Variants in POLR3H observed in about 807,000 individuals in gnomAD.
POLR3H encodes RNA polymerase III subunit H.
In POLR3H, 17 loss-of-function variants were observed where a neutral mutation model predicts 25.5. The ratio of observed to expected loss-of-function variants is 0.67; its 90% CI spans 0.46 to 1.00. The LOEUF (loss-of-function observed/expected upper bound fraction) is 1.00, where lower values mean the gene tolerates loss of function less well. Ranked by LOEUF, POLR3H falls within the 50% of genes least tolerant of loss-of-function variation. The pLI, the probability that POLR3H is intolerant of heterozygous loss-of-function variation, is 0.00. For synonymous variants in POLR3H, 129 were observed against 103.0 expected (o/e 1.25, Z -1.53); for missense variants, 274 against 265.0 (o/e 1.03, Z -0.24).
rs928353089 is a variant in POLR3H, at chr22:41,544,357, GCCACGCCACTCCACGCCACGCCACT to G, written c.-281_-257del. ...CGCCCGCGCCGCGAGACCCCGCCAC[GCCACGCCACTCCACGCCACGCCACT>G]CCACGCCCCGCACCCGCGCCACGTG... On this transcript the variant is annotated 5_prime_UTR_variant, in exon 1 of 6. Transcript: ENST00000355209. 24 of 362,544 alleles carry G rather than the reference GCCACGCCACTCCACGCCACGCCACT, an allele frequency of 6.6e-5. No individual in the cohort carries two copies. Among genetic ancestry groups the G allele is most frequent in the Admixed American group, 6.3e-4 (12 of 19,116 alleles). 22.5% of individuals were successfully genotyped at this position (362,544 alleles called of 1,614,324 possible). A position where few individuals can be genotyped will look rare whatever the true frequency, so the allele number is the denominator to read the frequency against.
chr22:41,532,031 G>T, intron 4 of POLR3H, 63 bp downstream of exon 4: 3 of 1,466,888 alleles, frequency 2.0e-6, no homozygotes, highest in Non-Finnish European at 2.9e-6. Flanking sequence ...CTAAGGAGTG[G>T]GGACCTTCCT....
rs1413610742 is a variant in POLR3H, at chr22:41,544,188, C to G, written c.-87G>C. ...GGGAGAATCCCCGAGCCCCTTGGTCCCGTCCCAGTCGCTGAGGCCCCCAGG... is the reference window on the plus strand; with the variant it reads ...GGGAGAATCCCCGAGCCCCTTGGTCGCGTCCCAGTCGCTGAGGCCCCCAGG... On this transcript the variant is annotated 5_prime_UTR_variant, in exon 1 of 6. Transcript: ENST00000355209. The G allele has an allele frequency of 3.8e-6, 3 of 795,732 alleles. No individual in the cohort carries two copies. The highest frequency in any genetic ancestry group is 2.7e-5 in the East Asian group (1 of 37,406). 49.3% of individuals were successfully genotyped at this position (795,732 alleles called of 1,614,324 possible). A position where few individuals can be genotyped will look rare whatever the true frequency, so the allele number is the denominator to read the frequency against.
chr22:41,543,185 T>G (rs970834218), intron 1 of POLR3H, among the ~76,000 whole-genome samples: 6 of 152,016 alleles, frequency 3.9e-5, no homozygotes, highest in African/African-American at 1.4e-4. Context: ...GGGAGGACTG[T>G]CAAAGAAACG....
chr22:41,528,480 C>T lies in POLR3H; in HGVS notation c.*803G>A, dbSNP rs1601940049. Reference sequence around the variant, plus strand: ...CCCACACCCACCTTCTCCTTGCAGCCCCTGAAGTGCATCATCAAGCACCCC... The same window carrying T: ...CCCACACCCACCTTCTCCTTGCAGCTCCTGAAGTGCATCATCAAGCACCCC... On this transcript the variant is annotated 3_prime_UTR_variant, in exon 6 of 6. Transcript: ENST00000355209. 6.2e-7 allele frequency: 1 copy of T among 1,612,116 alleles called. No homozygotes were observed. Among genetic ancestry groups the T allele is most frequent in the Non-Finnish European group, 8.5e-7 (1 of 1,179,938 alleles).
Position 41,532,687 on chromosome 22 carries a change from G to T in POLR3H, c.267C>A (p.Ile89=), listed in dbSNP as rs752439104. 1 of 1,614,068 alleles carries T rather than the reference G, an allele frequency of 6.2e-7. No homozygotes were observed. The part of the protein sequence containing the change: ...PFLDEILIGK[I]KGCSPEGVHV... ...GCACTCCTTCTGGGCTGCAGCCTTT[G>T]ATCTTCCCAATGAGAATCTCATCTA... Residue 89 remains isoleucine, a synonymous_variant, in exon 3 of 6, where the codon ATC becomes ATA. Transcript: ENST00000355209.
chr22:41,532,562 C>T lies in POLR3H; in HGVS notation c.295+97G>A, dbSNP rs757587976. 91 of 1,596,908 alleles carry T rather than the reference C, an allele frequency of 5.7e-5. No individual in the cohort carries two copies. The East Asian group carries it at 7.2e-4, about 13-fold the overall frequency. ...TGACACCACGGGGAAGGTTCGGCCT[C>T]GACACCTGAGCCCTCCCCTGACCAT... is the stretch of plus-strand genomic sequence containing the variant. On this transcript the variant is annotated intron_variant, in intron 3 of 5. Coordinates refer to ENST00000355209, the MANE Select transcript of POLR3H (RefSeq NM_001018050.4).
chr22:41,535,485 G>T (rs1387305869), intron 2 of POLR3H, among the ~76,000 whole-genome samples: 1 of 152,258 alleles, frequency 6.6e-6, no homozygotes, highest in Non-Finnish European at 1.5e-5. Context: ...GTAGCCTGCA[G>T]AGGGGATGCC....
rs372220931 is a variant in POLR3H, at chr22:41,544,372, GCCACGCCACT to G, written c.-281_-272del. The G allele has an allele frequency of 7.6e-5, 26 of 342,184 alleles. No individual in the cohort carries two copies. The highest frequency in any genetic ancestry group is 1.1e-4 in the East Asian group (2 of 17,920). 21.2% of individuals were successfully genotyped at this position (342,184 alleles called of 1,614,324 possible). On this transcript the variant is annotated 5_prime_UTR_variant, in exon 1 of 6. Transcript: ENST00000355209. ...ACCCCGCCACGCCACGCCACTCCAC[GCCACGCCACT>G]CCACGCCCCGCACCCGCGCCACGTG...
chr22:41,528,794 T>C lies in POLR3H; in HGVS notation c.*489A>G. On this transcript the variant is annotated 3_prime_UTR_variant, in exon 6 of 6. Transcript: ENST00000355209. ...GGTGGGGGGGTTCTTAAAATAACTT[T>C]TTAGCCCCCGTCTTCCTATTTTGAG... 1 of 811,938 alleles carries C rather than the reference T, an allele frequency of 1.2e-6. No individual in the cohort carries two copies. Among genetic ancestry groups the C allele is most frequent in the Non-Finnish European group, 1.9e-6 (1 of 539,140 alleles). The allele number at this position is 811,938 out of a possible 1,614,324, so 50.3% of individuals were successfully genotyped here.
Position 41,531,972 on chromosome 22 carries a change from G to A in POLR3H, c.359+122C>T, listed in dbSNP as rs542482160. On this transcript the variant is annotated intron_variant, in intron 4 of 5. Transcript: ENST00000355209. ...CTCTGGAGCAAAAGCACAGGCGAGGGGCAGGCACAGAGGCCAGTGACATCA... is the reference window on the plus strand; with the variant it reads ...CTCTGGAGCAAAAGCACAGGCGAGGAGCAGGCACAGAGGCCAGTGACATCA... The A allele has an allele frequency of 4.2e-4, 345 of 815,452 alleles. 1 individual carries two copies. In the Middle Eastern group the frequency reaches 4.6e-3, roughly 11 times the overall value. The allele number at this position is 815,452 out of a possible 1,614,324, so 50.5% of individuals were successfully genotyped here. A position where few individuals can be genotyped will look rare whatever the true frequency, so the allele number is the denominator to read the frequency against.
rs1223673171 is a variant in POLR3H, at chr22:41,528,414, C to T, written c.*869G>A. On this transcript the variant is annotated 3_prime_UTR_variant, in exon 6 of 6. Transcript: ENST00000355209. Reference sequence around the variant, plus strand: ...CCAGGCAGTGCCCTGTCTCCCTGACCCCCCTGCGGGGCCAAGGGCACACAG... The same window carrying T: ...CCAGGCAGTGCCCTGTCTCCCTGACTCCCCTGCGGGGCCAAGGGCACACAG... 4 of 1,580,250 alleles carry T rather than the reference C, an allele frequency of 2.5e-6. No individual in the cohort carries two copies. The highest frequency in any genetic ancestry group is 3.4e-6 in the Non-Finnish European group (4 of 1,164,638).
chr22:41,544,211 A>AGGCTGGCGGT lies in POLR3H; in HGVS notation c.-120_-111dup. On this transcript the variant is annotated 5_prime_UTR_variant, in exon 1 of 6. An upstream open reading frame in the 5' UTR loses its in-frame stop. Transcript: ENST00000355209. ...TCCCGTCCCAGTCGCTGAGGCCCCC[A>AGGCTGGCGGT]GGCTGGCGGTGAGGTTGCACGGGGC... The AGGCTGGCGGT allele has an allele frequency of 1.5e-6, 1 of 654,070 alleles. No homozygotes were observed. Among genetic ancestry groups the AGGCTGGCGGT allele is most frequent in the Non-Finnish European group, 2.7e-6 (1 of 375,478 alleles). The allele number at this position is 654,070 out of a possible 1,614,324, so 40.5% of individuals were successfully genotyped here. A position where few individuals can be genotyped will look rare whatever the true frequency, so the allele number is the denominator to read the frequency against.
Position 41,525,866 on chromosome 22 carries a change from C to G in POLR3H, c.*3417G>C, listed in dbSNP as rs1320624173. ...ATTTATGCTGCTTATTAAGGGGTCT[C>G]CAGGCACCCCTGTGACAGAAGAGAC... On this transcript the variant is annotated 3_prime_UTR_variant, in exon 6 of 6. Transcript: ENST00000355209. 3 of 204,514 alleles carry G rather than the reference C, an allele frequency of 1.5e-5. No homozygotes were observed. Among genetic ancestry groups the G allele is most frequent in the Admixed American group, 5.4e-5 (1 of 18,648 alleles). 12.7% of individuals were successfully genotyped at this position (204,514 alleles called of 1,614,324 possible).
intron 5 of POLR3H, among the ~76,000 whole-genome samples, chr22:41,530,345 C>A (rs1004402903): frequency 4.0e-5 from 6 of 150,984 alleles, no homozygotes; most frequent in African/African-American, 1.5e-4. Context: ...TGGCCTCACA[C>A]GATCCTCCCA....
chr22:41,542,964 T>C (rs1347233901), intron 1 of POLR3H, among the ~76,000 whole-genome samples: 1 of 151,738 alleles, frequency 6.6e-6, no homozygotes, highest in Non-Finnish European at 1.5e-5. Context: ...GATCGCTTCA[T>C]TGCACCCCAG....
At position 41,544,063 on chromosome 22, in the gene POLR3H, GA is replaced by G; in HGVS notation, c.38del (p.Ile13ThrfsTer18). 1 of 1,613,784 alleles carries G rather than the reference GA, an allele frequency of 6.2e-7. No homozygotes were observed. Among genetic ancestry groups the G allele is most frequent in the Non-Finnish European group, 8.5e-7 (1 of 1,179,696 alleles). ...GCTTCCTCTCAAACTGCCAAGGGGG[GA>G]TCCGGACGGTGTCCACCATTTCCAC... is the stretch of plus-strand genomic sequence containing the variant. ...VLVEMVDTVR[I>X]PPWQFERKLN... On this transcript the variant is annotated frameshift_variant, in exon 1 of 6. Transcript: ENST00000355209. LOFTEE classifies it high-confidence loss of function.
chr22:41,528,161 CAG>C lies in POLR3H; in HGVS notation c.*1120_*1121del. 2 of 1,344,780 alleles carry C rather than the reference CAG, an allele frequency of 1.5e-6. No individual in the cohort carries two copies. Among genetic ancestry groups the C allele is most frequent in the Non-Finnish European group, 2.0e-6 (2 of 987,598 alleles). The allele number at this position is 1,344,780 out of a possible 1,614,324, so 83.3% of individuals were successfully genotyped here. A position where few individuals can be genotyped will look rare whatever the true frequency, so the allele number is the denominator to read the frequency against. On this transcript the variant is annotated 3_prime_UTR_variant, in exon 6 of 6. Coordinates refer to ENST00000355209, the MANE Select transcript of POLR3H (RefSeq NM_001018050.4). ...GCCCCCAGTTCTCCAGGTGGCCCCA[CAG>C]AGAAAGCAAAGTGGCTTCTCAGAGT... is the stretch of plus-strand genomic sequence containing the variant.
chr22:41,541,163 G>GAA, intron 1 of POLR3H, among the ~76,000 whole-genome samples: 1 of 152,178 alleles, frequency 6.6e-6, no homozygotes. Flanking sequence ...CCCTAGCCTT[G>GAA]TACCTGGCTC....
chr22:41,540,280 G>C (rs73178636), intron 2 of POLR3H: 3 of 337,936 alleles, frequency 8.9e-6, no homozygotes, highest in Non-Finnish European at 1.7e-5. Context: ...AGACCAAAAG[G>C]GCACAGACAC....
Sources: gnomAD v4.1 joint callset for allele counts (sites outside exome capture counted in the v4.1 genomes callset) on GRCh38, gnomAD v4.1.1 for gene constraint, MANE v1.5 for transcripts, NCBI Gene and HGNC (gene_info 2026-07-23, HGNC 2026-07-21) for gene names.